The following KHDRBS2 variants were observed in gnomAD, a reference collection of about 807,000 sequenced individuals.
KHDRBS2 encodes the protein KH domain-containing, RNA-binding, signal transduction-associated protein 2.
Under a neutral mutation model 44.3 loss-of-function variants are expected in KHDRBS2, and 26 were observed. That is an observed-to-expected ratio of 0.59 (90% confidence interval 0.43 to 0.81). KHDRBS2 has a LOEUF of 0.81. Ranked by LOEUF, KHDRBS2 falls within the 40% of genes least tolerant of loss-of-function variation. The probability of loss-of-function intolerance (pLI) is 0.00; values close to 1 mark genes in which losing one functional copy is unlikely to be tolerated. For synonymous variants in KHDRBS2, 194 were observed against 151.1 expected (o/e 1.28, Z -2.08); for missense variants, 476 against 433.1 (o/e 1.10, Z -0.88).
At chr6:61,839,972 T>G (rs1476156866) in intron 6 of KHDRBS2, among the ~76,000 whole-genome samples, 1 of 152,140 alleles carries the variant, frequency 6.6e-6, no homozygotes, top group Non-Finnish European at 1.5e-5. Flanking sequence ...GCATATTATT[T>G]ATGCACTAAT....
chr6:62,173,615 C>T (rs989186466), intron 2 of KHDRBS2, among the ~76,000 whole-genome samples: 34 of 151,930 alleles, frequency 2.2e-4, no homozygotes, highest in African/African-American at 7.7e-4. Context: ...ACAAAGAAAA[C>T]TATTAAAACT....
chr6:61,565,451 C>T, the KHDRBS2 span, among the ~76,000 whole-genome samples: 1 of 152,048 alleles, frequency 6.6e-6, no homozygotes, highest in African/African-American at 2.4e-5. Context: ...ATAAAAGCAA[C>T]TCAAACAACT....
chr6:62,068,504 T>A (rs890802983), intron 2 of KHDRBS2, among the ~76,000 whole-genome samples: 1 of 151,596 alleles, frequency 6.6e-6, no homozygotes, highest in Non-Finnish European at 1.5e-5. Flanking sequence ...CACAAACTTT[T>A]AAAAAATTTT....
chr6:62,046,898 T>C (rs1245786787), intron 3 of KHDRBS2, among the ~76,000 whole-genome samples: 1 of 151,890 alleles, frequency 6.6e-6, no homozygotes, highest in African/African-American at 2.4e-5. Flanking sequence ...TGAACCATTC[T>C]AAGAAAGCAC....
At chr6:61,940,338 G>A (rs149961774) in intron 4 of KHDRBS2, among the ~76,000 whole-genome samples, 1 of 152,208 alleles carries the variant, frequency 6.6e-6, no homozygotes, top group African/African-American at 2.4e-5. Context: ...TGGGGAAAAG[G>A]TAAGTCAGTG....
chr6:62,207,833 T>C (rs1315703657), intron 1 of KHDRBS2, among the ~76,000 whole-genome samples: 2 of 152,210 alleles, frequency 1.3e-5, no homozygotes, highest in Non-Finnish European at 2.9e-5. Flanking sequence ...GGAATACATA[T>C]AGATACTAAG....
intron 6 of KHDRBS2, among the ~76,000 whole-genome samples, chr6:61,845,713 T>C (rs899352992): frequency 6.6e-6 from 1 of 152,224 alleles, no homozygotes; most frequent in Admixed American, 6.5e-5. Context: ...AGGTCGTTGG[T>C]GGTGAACGTG....
intron 8 of KHDRBS2, among the ~76,000 whole-genome samples, chr6:61,688,496 C>A (rs1767050711): frequency 6.6e-6 from 1 of 151,832 alleles, no homozygotes; most frequent in Non-Finnish European, 1.5e-5. Flanking sequence ...TGGTATAATT[C>A]TCTTCTCAAA....
chr6:62,198,425 A>T (rs1826152556), intron 1 of KHDRBS2, among the ~76,000 whole-genome samples: 1 of 152,216 alleles, frequency 6.6e-6, no homozygotes, highest in African/African-American at 2.4e-5. Flanking sequence ...TGCCACAGAA[A>T]TGCAAACTAC....
At chr6:61,595,597 T>C in the KHDRBS2 span, among the ~76,000 whole-genome samples, 6 of 152,034 alleles carry the variant, frequency 3.9e-5, no homozygotes, top group African/African-American at 1.4e-4. Context: ...TAATTACATA[T>C]AATAATTTAA....
At chr6:62,100,198 G>A (rs183272143) in intron 2 of KHDRBS2, among the ~76,000 whole-genome samples, 1 of 152,154 alleles carries the variant, frequency 6.6e-6, no homozygotes, top group Non-Finnish European at 1.5e-5. Flanking sequence ...AATAGCAAGA[G>A]AATTATAATT....
intron 7 of KHDRBS2, among the ~76,000 whole-genome samples, chr6:61,708,680 C>T (rs1769988409): frequency 6.6e-6 from 1 of 151,478 alleles, no homozygotes; most frequent in Non-Finnish European, 1.5e-5. Context: ...AACGAGTACA[C>T]TAAATACATT....
intron 7 of KHDRBS2, among the ~76,000 whole-genome samples, chr6:61,725,438 C>T (rs1169559013): frequency 6.6e-6 from 1 of 151,566 alleles, no homozygotes; most frequent in African/African-American, 2.4e-5. Context: ...CAGGAATAAC[C>T]CAGATCAAAG....
chr6:62,082,779 C>A (rs181539638), intron 2 of KHDRBS2, among the ~76,000 whole-genome samples: 1 of 152,186 alleles, frequency 6.6e-6, no homozygotes, highest in African/African-American at 2.4e-5. Flanking sequence ...CAGAGATTGG[C>A]AATGAAGAAA....
At chr6:61,982,397 C>T (rs1325104057) in intron 3 of KHDRBS2, among the ~76,000 whole-genome samples, 5 of 152,030 alleles carry the variant, frequency 3.3e-5, no homozygotes, top group Admixed American at 6.6e-5. Flanking sequence ...AGGGGCCGGG[C>T]GCGGTGGCTC....
intron 1 of KHDRBS2, among the ~76,000 whole-genome samples, chr6:62,235,963 G>A (rs1365151772): frequency 6.6e-6 from 1 of 152,048 alleles, no homozygotes; most frequent in Non-Finnish European, 1.5e-5. Context: ...TATTCTGGAG[G>A]AGGAAAATTA....
In KHDRBS2 at chr6:62,180,159, T is replaced by TA. The variant is rs553062669; in HGVS notation, c.92-2848dup. ...AGAACAATGTGGGGATGCCCCGTCT[T>TA]ACAACTTCTATTCAACGTACTACTG... On this transcript the variant is annotated intron_variant, in intron 1 of 8. Transcript: ENST00000281156. Among the ~76,000 whole-genome samples the TA allele has an allele frequency of 5.6e-4, 85 of 151,912 alleles. 1 individual carries two copies. In the East Asian group the frequency reaches 0.015, roughly 27 times the overall value.
At chr6:62,087,721 G>A (rs1333295200) in intron 2 of KHDRBS2, among the ~76,000 whole-genome samples, 1 of 152,082 alleles carries the variant, frequency 6.6e-6, no homozygotes, top group Non-Finnish European at 1.5e-5. Context: ...TGTATTTCCT[G>A]AATTTTAATG....
At chr6:61,958,865 C>T (rs183600131) in intron 4 of KHDRBS2, among the ~76,000 whole-genome samples, 1 of 152,242 alleles carries the variant, frequency 6.6e-6, no homozygotes, top group African/African-American at 2.4e-5. Context: ...CTCCTCATTC[C>T]TACATCAAAC....
Sources: allele counts gnomAD v4.1 joint callset (sites outside exome capture counted in the v4.1 genomes callset), GRCh38; gene constraint gnomAD v4.1.1; transcripts MANE v1.5; gene names NCBI Gene and HGNC (gene_info 2026-07-23, HGNC 2026-07-21).